The following MARCHF1 variants were observed in gnomAD, a reference collection of about 807,000 sequenced individuals.
MARCHF1 encodes E3 ubiquitin-protein ligase MARCHF1.
A neutral mutation model predicts 54.2 loss-of-function variants in MARCHF1; 40 were observed. The observed-to-expected ratio is 0.74, with a 90% CI of 0.57 to 0.96. The LOEUF (loss-of-function observed/expected upper bound fraction) is 0.96. Among genes scored for constraint, MARCHF1 ranks in the 40% least tolerant of loss-of-function variants. The pLI, the probability that MARCHF1 is intolerant of heterozygous loss-of-function variation, is 0.00. For synonymous variants in MARCHF1, 236 were observed against 236.3 expected, an observed-to-expected ratio of 1.00 and a Z score of 0.01; for missense variants, 586 against 656.5, an observed-to-expected ratio of 0.89 and a Z score of 1.17.
intron 4 of MARCHF1, among the ~76,000 whole-genome samples, chr4:163,797,401 T>C (rs1747949632): frequency 1.3e-5 from 2 of 151,814 alleles, no homozygotes; most frequent in African/African-American, 4.8e-5. Context: ...TTTTTGGGCT[T>C]CTTGATATGG....
chr4:164,284,149 A>T (rs999817663), intron 1 of MARCHF1, among the ~76,000 whole-genome samples: 4 of 151,102 alleles, frequency 2.6e-5, no homozygotes, highest in African/African-American at 7.3e-5. Context: ...TATTCAAATC[A>T]CTTAATGGGT....
At chr4:164,033,460 A>C (rs113518509) in intron 2 of MARCHF1, among the ~76,000 whole-genome samples, 3 of 152,204 alleles carry the variant, frequency 2.0e-5, no homozygotes, top group Non-Finnish European at 4.4e-5. Flanking sequence ...CTGCACAGCA[A>C]AAGAAACTAT....
intron 4 of MARCHF1, among the ~76,000 whole-genome samples, chr4:163,710,436 A>G (rs1426204199): frequency 6.6e-6 from 1 of 152,212 alleles, no homozygotes; most frequent in Non-Finnish European, 1.5e-5. Flanking sequence ...ATAATTGGGC[A>G]GTCCAAACAA....
intron 5 of MARCHF1, among the ~76,000 whole-genome samples, chr4:163,634,815 C>T (rs1489816327): frequency 1.5e-4 from 21 of 142,154 alleles, no homozygotes; most frequent in African/African-American, 5.5e-4. Flanking sequence ...CACCACACCA[C>T]ACCTATTCCA....
At chr4:163,948,679 G>A (rs1579414739) in intron 3 of MARCHF1, among the ~76,000 whole-genome samples, 1 of 145,996 alleles carries the variant, frequency 6.8e-6, no homozygotes, top group Non-Finnish European at 1.5e-5. Context: ...GAAGCAACAG[G>A]AGTAAAGACA....
intron 3 of MARCHF1, among the ~76,000 whole-genome samples, chr4:163,856,196 G>A (rs1749764007): frequency 6.6e-6 from 1 of 152,148 alleles, no homozygotes; most frequent in Non-Finnish European, 1.5e-5. Context: ...GGCTACACCT[G>A]CTGAAGTATT....
intron 3 of MARCHF1, among the ~76,000 whole-genome samples, chr4:163,900,958 G>C (rs1750926991): frequency 6.6e-6 from 1 of 152,160 alleles, no homozygotes; most frequent in Admixed American, 6.5e-5. Flanking sequence ...TGTAATGTCA[G>C]ATGTTTATGG....
chr4:163,612,311 C>A lies in MARCHF1; in HGVS notation c.970G>T (p.Ala324Ser). 6.6e-7 allele frequency: 1 copy of A among 1,523,640 alleles called. No individual in the cohort carries two copies. The highest frequency in any genetic ancestry group is 8.7e-7 in the Non-Finnish European group (1 of 1,143,002). The allele number at this position is 1,523,640 out of a possible 1,614,324, so 94.4% of individuals were successfully genotyped here. ...TTATCAGACCCATCGTCATAGGTGG[C>A]AGGAGGCTTCTGAACAGGGTTATTC... ...QVNNPVQKPP[A>S]TYDDGSDNLE... The change falls in exon 7 of 10, where the codon GCC becomes TCC. Residue 324 changes from alanine to serine, a missense_variant. By Grantham distance (99) the Ala-to-Ser change is moderately conservative. Coordinates refer to ENST00000514618, the MANE Select transcript of MARCHF1 (RefSeq NM_001394959.1).
chr4:164,232,968 C>A (rs1232805484), intron 1 of MARCHF1, among the ~76,000 whole-genome samples: 1 of 152,120 alleles, frequency 6.6e-6, no homozygotes, highest in East Asian at 1.9e-4. Context: ...AAACTGCCTA[C>A]ACAAAACTAG....
intron 1 of MARCHF1, among the ~76,000 whole-genome samples, chr4:164,200,735 G>A (rs1731428534): frequency 6.6e-6 from 1 of 152,138 alleles, no homozygotes; most frequent in Non-Finnish European, 1.5e-5. Context: ...TAAGAGTAAA[G>A]AAAGAAATAA....
At chr4:164,325,846 T>C (rs977344661) in intron 1 of MARCHF1, among the ~76,000 whole-genome samples, 10 of 152,032 alleles carry the variant, frequency 6.6e-5, no homozygotes, top group African/African-American at 2.2e-4. Context: ...ATACCATACA[T>C]GAAATAATTG....
intron 1 of MARCHF1, among the ~76,000 whole-genome samples, chr4:164,148,041 A>C (rs191925999): frequency 5.3e-5 from 8 of 152,196 alleles, no homozygotes; most frequent in African/African-American, 1.9e-4. Flanking sequence ...TAGATATTAG[A>C]AGGAGTCTAG....
chr4:164,313,348 C>CAAAAAAAAAAAAA (rs553280791), intron 1 of MARCHF1, among the ~76,000 whole-genome samples: 33 of 80,228 alleles, frequency 4.1e-4, no homozygotes, highest in African/African-American at 1.4e-3. Context: ...GACTCTGTCT[C>CAAAAAAAAAAAAA]AAAAAAAAAA....
At chr4:163,609,601 G>A (rs979180745) in intron 7 of MARCHF1, among the ~76,000 whole-genome samples, 1 of 132,638 alleles carries the variant, frequency 7.5e-6, no homozygotes, top group African/African-American at 2.8e-5. Flanking sequence ...TTTAGAAAAG[G>A]TCTTTCTGTG....
chr4:163,798,486 G>T (rs1274336337), intron 4 of MARCHF1, among the ~76,000 whole-genome samples: 1 of 152,052 alleles, frequency 6.6e-6, no homozygotes, highest in African/African-American at 2.4e-5. Context: ...ATTTTGAAGG[G>T]TTTTTGCAGA....
At chr4:164,244,582 G>A (rs202039594) in intron 1 of MARCHF1, among the ~76,000 whole-genome samples, 59,739 of 132,596 alleles carry the variant, frequency 0.45, 14,890 homozygotes, top group Non-Finnish European at 0.61. Flanking sequence ...TCAAAAGCTA[G>A]CAGAAGGCAA....
chr4:164,339,608 A>G (rs1729855561), intron 1 of MARCHF1, among the ~76,000 whole-genome samples: 1 of 152,168 alleles, frequency 6.6e-6, no homozygotes, highest in African/African-American at 2.4e-5. Context: ...AAATGCCTAC[A>G]TGAATAAAAA....
At chr4:164,376,179 T>G (rs368932727) in intron 1 of MARCHF1, among the ~76,000 whole-genome samples, 2 of 152,264 alleles carry the variant, frequency 1.3e-5, no homozygotes, top group East Asian at 3.9e-4. Context: ...TAAAGTATAG[T>G]AAAAAAGAAG....
chr4:164,235,792 G>A (rs1732535557), intron 1 of MARCHF1, among the ~76,000 whole-genome samples: 2 of 151,970 alleles, frequency 1.3e-5, no homozygotes, highest in South Asian at 4.2e-4. Context: ...TAGGTACAAT[G>A]TATACTACTC....
Sources: gnomAD v4.1 joint callset for allele counts (sites outside exome capture counted in the v4.1 genomes callset) on GRCh38, gnomAD v4.1.1 for gene constraint, MANE v1.5 for transcripts, NCBI Gene and HGNC (gene_info 2026-07-23, HGNC 2026-07-21) for gene names.